The following CTNNA2 variants were observed in gnomAD, a reference collection of about 807,000 sequenced individuals.
The protein encoded by CTNNA2 is catenin alpha-2.
In CTNNA2, 42 loss-of-function variants were observed where a neutral mutation model predicts 101.0. The observed-to-expected ratio is 0.42, with a 90% confidence interval of 0.32 to 0.54. The LOEUF is 0.54. CTNNA2 is among the 20% of genes least tolerant of loss of function. The pLI, the probability that CTNNA2 is intolerant of heterozygous loss-of-function variation, is 0.14. For synonymous variants in CTNNA2, 450 were observed against 456.4 expected (o/e 0.99, Z 0.18); for missense variants, 871 against 1,223.1 (o/e 0.71, Z 4.29).
intron 2 of CTNNA2, among the ~76,000 whole-genome samples, chr2:79,265,486 A>G (rs1320447446): frequency 2.0e-5 from 3 of 152,146 alleles, no homozygotes; most frequent in Admixed American, 2.0e-4. Context: ...CAAAATGAGG[A>G]TGCTGTGGTA....
chr2:80,472,409 C>G (rs749261748), intron 9 of CTNNA2, among the ~76,000 whole-genome samples: 1 of 152,166 alleles, frequency 6.6e-6, no homozygotes. Context: ...ATTACTCATT[C>G]TGAATCCTGC....
chr2:80,576,778 G>A (rs542290418), intron 13 of CTNNA2, among the ~76,000 whole-genome samples: 1,474 of 68,332 alleles, frequency 0.022, 28 homozygotes, highest in Non-Finnish European at 0.026. Context: ...GTGAAACCCT[G>A]TCTCTACTGA....
intron 1 of CTNNA2, among the ~76,000 whole-genome samples, chr2:79,611,776 G>A (rs999892380): frequency 6.6e-6 from 1 of 152,096 alleles, no homozygotes; most frequent in African/African-American, 2.4e-5. Flanking sequence ...CATAAACCTT[G>A]ATATGATTAA....
chr2:79,289,967 G>C (rs2104373785), intron 2 of CTNNA2, among the ~76,000 whole-genome samples: 1 of 152,196 alleles, frequency 6.6e-6, no homozygotes, highest in Non-Finnish European at 1.5e-5. Context: ...CCTTTTCTGT[G>C]ATATAGGGAG....
At chr2:80,603,059 C>A (rs216659) in intron 15 of CTNNA2, among the ~76,000 whole-genome samples, 34,547 of 151,850 alleles carry the variant, frequency 0.23, 5,644 homozygotes, top group African/African-American at 0.47. Context: ...GAATAAATCC[C>A]TTCTGAATAG....
At chr2:80,547,725 T>C (rs1331823989) in intron 11 of CTNNA2, among the ~76,000 whole-genome samples, 1 of 149,984 alleles carries the variant, frequency 6.7e-6, no homozygotes, top group Non-Finnish European at 1.5e-5. Context: ...GTTTCACTCT[T>C]GTTGCCCAGG....
Position 79,982,226 on chromosome 2 carries a change from ATATATATATATATATG to A in CTNNA2, c.1056+72433_1056+72448del, listed in dbSNP as rs1250307071. Among the ~76,000 whole-genome samples, 143 of 98,380 alleles carry A rather than the reference ATATATATATATATATG, an allele frequency of 1.5e-3. 2 individuals are homozygous for A. The highest frequency in any genetic ancestry group is 2.2e-3 in the African/African-American group (48 of 22,212). 64.5% of individuals were successfully genotyped at this position (98,380 alleles called of 152,430 possible). A position where few individuals can be genotyped will look rare whatever the true frequency, so the allele number is the denominator to read the frequency against. On this transcript the variant is annotated intron_variant, in intron 7 of 18. Coordinates refer to ENST00000402739, the MANE Select transcript of CTNNA2 (RefSeq NM_001282597.3). ...TATATATATATATATATATATATAT[ATATATATATATATATG>A]TATGTATATGTACACACACACATAA... is the stretch of plus-strand genomic sequence containing the variant.
intron 1 of CTNNA2, among the ~76,000 whole-genome samples, chr2:79,519,789 A>G (rs1468653750): frequency 6.6e-6 from 1 of 152,130 alleles, no homozygotes; most frequent in African/African-American, 2.4e-5. Flanking sequence ...GTCTTTTCTT[A>G]TCTCTCCATC....
chr2:79,211,477 T>G (rs1215867842), intron 2 of CTNNA2, among the ~76,000 whole-genome samples: 1 of 152,138 alleles, frequency 6.6e-6, no homozygotes. Flanking sequence ...GGGGCCTTTT[T>G]ATAAGATTTG....
chr2:79,852,519 C>T (rs754445484), intron 3 of CTNNA2, among the ~76,000 whole-genome samples: 2 of 152,186 alleles, frequency 1.3e-5, no homozygotes, highest in Non-Finnish European at 2.9e-5. Context: ...TCATTTGATT[C>T]CAGGGAGTAA....
chr2:79,757,593 G>A (rs1316108039), intron 3 of CTNNA2, among the ~76,000 whole-genome samples: 1 of 152,172 alleles, frequency 6.6e-6, no homozygotes, highest in Non-Finnish European at 1.5e-5. Context: ...AGACAAATAT[G>A]GTCGAAGACT....
chr2:80,036,928 G>A (rs1191510697), intron 7 of CTNNA2, among the ~76,000 whole-genome samples: 1 of 152,048 alleles, frequency 6.6e-6, no homozygotes, highest in Admixed American at 6.6e-5. Flanking sequence ...AAACTATTGG[G>A]TTATGAAGGT....
chr2:80,545,164 T>C (rs1404497420), intron 10 of CTNNA2, 90 bp downstream of exon 10: 1 of 1,266,936 alleles, frequency 7.9e-7, no homozygotes, highest in Non-Finnish European at 1.1e-6. Context: ...CTATTTCCTC[T>C]TGCTGAAAAA....
chr2:80,418,789 G>T (rs1283242012), intron 8 of CTNNA2, among the ~76,000 whole-genome samples: 1 of 152,110 alleles, frequency 6.6e-6, no homozygotes, highest in Non-Finnish European at 1.5e-5. Context: ...TCAAGCAGCT[G>T]CCCTGTTTTC....
chr2:79,962,571 G>C (rs1365326058), intron 7 of CTNNA2, among the ~76,000 whole-genome samples: 10 of 152,072 alleles, frequency 6.6e-5, no homozygotes, highest in Non-Finnish European at 1.5e-4. Context: ...TTTTGCTTTA[G>C]GTATTATGTG....
At chr2:79,799,025 T>C (rs1173717022) in intron 3 of CTNNA2, among the ~76,000 whole-genome samples, 3 of 152,190 alleles carry the variant, frequency 2.0e-5, no homozygotes, top group African/African-American at 7.2e-5. Context: ...CATCTTACTC[T>C]CTTTTGTTGT....
intron 8 of CTNNA2, among the ~76,000 whole-genome samples, chr2:80,399,345 G>C (rs72914906): frequency 0.065 from 9,925 of 152,134 alleles, 1,068 homozygotes; most frequent in African/African-American, 0.22. Flanking sequence ...ATATCATCTT[G>C]GGCTAGCTGT....
intron 4 of CTNNA2, among the ~76,000 whole-genome samples, chr2:79,444,542 A>G (rs1438693372): frequency 6.6e-6 from 1 of 152,046 alleles, no homozygotes; most frequent in Non-Finnish European, 1.5e-5. Context: ...CTCTGTAGCT[A>G]TTATTTCCCT....
intron 8 of CTNNA2, among the ~76,000 whole-genome samples, chr2:80,412,605 A>C (rs1679684918): frequency 6.6e-6 from 1 of 152,216 alleles, no homozygotes; most frequent in South Asian, 2.1e-4. Flanking sequence ...TATGTATGTC[A>C]TCTTATCAGT....
Sources: allele counts gnomAD v4.1 joint callset (sites outside exome capture counted in the v4.1 genomes callset), GRCh38; gene constraint gnomAD v4.1.1; transcripts MANE v1.5; gene names NCBI Gene and HGNC (gene_info 2026-07-23, HGNC 2026-07-21).